Variants in XRN1 observed in about 807,000 individuals in gnomAD.
XRN1 encodes the protein 5'-3' exoribonuclease 1.
Under a neutral mutation model 222.3 loss-of-function variants are expected in XRN1, and 67 were observed. The observed-to-expected ratio is 0.30, with a 90% CI of 0.25 to 0.37. The LOEUF (loss-of-function observed/expected upper bound fraction) is 0.37, where lower values mean the gene tolerates loss of function less well. XRN1 is among the 10% of genes least tolerant of loss of function. The probability of loss-of-function intolerance (pLI) is 1.00; values close to 1 mark genes in which losing one functional copy is unlikely to be tolerated. For missense variants in XRN1, 1,707 were observed against 2,000.2 expected (o/e 0.85, Z 2.80); for synonymous variants, 643 against 652.4 (o/e 0.99, Z 0.22).
At position 142,362,553 on chromosome 3, in the gene XRN1, A is replaced by G. The variant is rs997787888; in HGVS notation, c.3394+2494T>C. 1.3e-3 allele frequency among the ~76,000 whole-genome samples: 202 copies of G among 149,962 alleles called. 2 individuals carry two copies. Among genetic ancestry groups the G allele is most frequent in the African/African-American group, 4.0e-3 (165 of 40,878 alleles). On this transcript the variant is annotated intron_variant, in intron 29 of 40. Coordinates refer to ENST00000392981, the MANE Select transcript of XRN1 (RefSeq NM_001282857.2). Reference sequence around the variant, plus strand: ...CTCCCAAAGTGTTGGGATTACAGGCATGAGTGCCCGGCCTTTTTTTCTTCG... The same window carrying G: ...CTCCCAAAGTGTTGGGATTACAGGCGTGAGTGCCCGGCCTTTTTTTCTTCG...
intron 10 of XRN1, among the ~76,000 whole-genome samples, chr3:142,420,605 C>T (rs1193000097): frequency 6.6e-6 from 1 of 152,064 alleles, no homozygotes; most frequent in Non-Finnish European, 1.5e-5. Flanking sequence ...CTCCTGACCT[C>T]AGGTAATCCA....
intron 20 of XRN1, 67 bp downstream of exon 20, chr3:142,397,262 G>A (rs1482681170): frequency 2.1e-6 from 3 of 1,416,344 alleles, no homozygotes; most frequent in Non-Finnish European, 2.8e-6. Context: ...TGGAAAATAA[G>A]TTAGAGAATG....
intron 20 of XRN1, among the ~76,000 whole-genome samples, chr3:142,388,812 T>C (rs1252630805): frequency 6.6e-6 from 1 of 152,244 alleles, no homozygotes; most frequent in Admixed American, 6.5e-5. Context: ...ACTAAATTTA[T>C]GTAATATCCT....
chr3:142,320,564 G>A (rs2086933), intron 37 of XRN1, among the ~76,000 whole-genome samples: 90,996 of 151,552 alleles, frequency 0.6, 28,134 homozygotes, highest in African/African-American at 0.77. Context: ...TAGTTTAGTT[G>A]AGTCCCATTT....
intron 18 of XRN1, among the ~76,000 whole-genome samples, chr3:142,402,430 G>A (rs1006330876): frequency 6.6e-6 from 1 of 151,954 alleles, no homozygotes; most frequent in African/African-American, 2.4e-5. Context: ...TGATATGCCC[G>A]CCTCAGCCTC....
At chr3:142,423,748 A>G in intron 5 of XRN1, 106 bp from the exon 6 acceptor site, 1 of 768,050 alleles carries the variant, frequency 1.3e-6, no homozygotes, top group South Asian at 2.3e-5. Flanking sequence ...ATAAGAAACA[A>G]TTAGCACATT....
rs1577417964 is a variant in XRN1 at position 142,425,644 on chromosome 3, G to C, written c.407-106C>G. ...TGAGTACGCCGGGAATAGCTAGGTA[G>C]GTATAGGATCTCCAAAGAAGGTCAA... On this transcript the variant is annotated intron_variant, in intron 3 of 40. Coordinates refer to ENST00000392981, the MANE Select transcript of XRN1 (RefSeq NM_001282857.2). 13 of 868,012 alleles carry C rather than the reference G, an allele frequency of 1.5e-5. No individual in the cohort carries two copies. The East Asian group carries it at 3.5e-4, about 23-fold the overall frequency. The allele number at this position is 868,012 out of a possible 1,614,324, so 53.8% of individuals were successfully genotyped here.
At chr3:142,313,732 TA>T (rs1392405841) in intron 39 of XRN1, among the ~76,000 whole-genome samples, 2 of 152,170 alleles carry the variant, frequency 1.3e-5, no homozygotes, top group Non-Finnish European at 2.9e-5. Flanking sequence ...TGAAAAACAC[TA>T]ATAAGATTCA....
In XRN1 at chr3:142,349,203, G is replaced by A. The variant is rs149881201; in HGVS notation, c.3769-1861C>T. The stretch of plus-strand genomic sequence containing the variant: ...TCCTGGGCTCCAGTGACCTACCTGC[G>A]TTGGCCTTCAAAAGTGCTGGGATTA... On this transcript the variant is annotated intron_variant, in intron 32 of 40. Coordinates refer to ENST00000392981, the MANE Select transcript of XRN1 (RefSeq NM_001282857.2). Among the ~76,000 whole-genome samples, 310 of 151,728 alleles carry A rather than the reference G, an allele frequency of 2.0e-3. 1 individual carries two copies. The highest frequency in any genetic ancestry group is 7.1e-3 in the African/African-American group (294 of 41,370).
chr3:142,426,879 G>GA lies in XRN1; in HGVS notation c.309-39dup, dbSNP rs11391611. On this transcript the variant is annotated intron_variant, in intron 2 of 40. Transcript: ENST00000392981. ...GGGAAAAAAGTACCTTAAGTTTTCT[G>GA]AAAAAAAGTGAAGATCTTTATATAA... The GA allele has an allele frequency of 5.4e-3, 8,284 of 1,540,446 alleles. 194 individuals are homozygous for GA. The African/African-American group carries it at 0.06, about 11-fold the overall frequency.
intron 30 of XRN1, among the ~76,000 whole-genome samples, chr3:142,357,874 A>G (rs1245647074): frequency 6.6e-6 from 1 of 152,080 alleles, no homozygotes; most frequent in Non-Finnish European, 1.5e-5. Context: ...TGTCTCTATT[A>G]AAAATACAAA....
intron 30 of XRN1, among the ~76,000 whole-genome samples, chr3:142,357,336 G>A (rs1029940391): frequency 6.6e-6 from 1 of 152,132 alleles, no homozygotes; most frequent in African/African-American, 2.4e-5. Context: ...TTACTAAGTA[G>A]AGAAAACCCA....
At chr3:142,312,927 A>G (rs776214738) in intron 39 of XRN1, among the ~76,000 whole-genome samples, 169 bp from the exon 40 acceptor site, 2 of 151,662 alleles carry the variant, frequency 1.3e-5, no homozygotes, top group Non-Finnish European at 2.9e-5. Context: ...CAACCTCAGG[A>G]TCCTTTCCTA....
chr3:142,335,329 C>T, intron 34 of XRN1, 119 bp downstream of exon 34: 1 of 905,480 alleles, frequency 1.1e-6, no homozygotes, highest in Admixed American at 2.1e-5. Flanking sequence ...TTCAGTGACC[C>T]TCTGGCCACA....
chr3:142,316,817 C>G (rs945313736), intron 39 of XRN1, among the ~76,000 whole-genome samples: 1 of 152,068 alleles, frequency 6.6e-6, no homozygotes, highest in African/African-American at 2.4e-5. Context: ...CTTGTAATCT[C>G]AGCATTTCTG....
intron 33 of XRN1, among the ~76,000 whole-genome samples, chr3:142,344,561 A>C (rs578029829): frequency 1.3e-5 from 2 of 152,274 alleles, no homozygotes; most frequent in East Asian, 3.9e-4. Flanking sequence ...AGGGCTAATA[A>C]ACAGTTAAGG....
intron 25 of XRN1, among the ~76,000 whole-genome samples, chr3:142,372,515 C>T (rs1038207393): frequency 6.6e-6 from 1 of 152,192 alleles, no homozygotes; most frequent in African/African-American, 2.4e-5. Flanking sequence ...GCCCTTCAGA[C>T]TTGCCATGAA....
At chr3:142,398,116 A>AT (rs1185517347) in intron 19 of XRN1, among the ~76,000 whole-genome samples, 1 of 151,988 alleles carries the variant, frequency 6.6e-6, no homozygotes, top group Non-Finnish European at 1.5e-5. Context: ...ATGGTAACAC[A>AT]TATCTGTAGT....
intron 19 of XRN1, among the ~76,000 whole-genome samples, chr3:142,397,911 A>C (rs1177885530): frequency 6.6e-6 from 1 of 152,236 alleles, no homozygotes; most frequent in African/African-American, 2.4e-5. Context: ...TCAAAATATC[A>C]CATGTATTCT....
Sources: gnomAD v4.1 joint callset for allele counts (sites outside exome capture counted in the v4.1 genomes callset) on GRCh38, gnomAD v4.1.1 for gene constraint, MANE v1.5 for transcripts, NCBI Gene and HGNC (gene_info 2026-07-23, HGNC 2026-07-21) for gene names.